KCNAB2: variants seen among roughly 807,000 people sequenced by gnomAD.
KCNAB2 encodes the protein voltage-gated potassium channel subunit beta-2.
In KCNAB2, 29 loss-of-function variants were observed where a neutral mutation model predicts 63.6. That is an observed-to-expected ratio of 0.46 (90% confidence interval 0.34 to 0.62). The LOEUF (loss-of-function observed/expected upper bound fraction) is 0.62, where lower values mean the gene tolerates loss of function less well. KCNAB2 is among the 20% of genes least tolerant of loss of function. The pLI is 0.01. For synonymous variants in KCNAB2, 222 were observed against 224.2 expected, an observed-to-expected ratio of 0.99 and a Z score of 0.09; for missense variants, 359 against 563.9, an observed-to-expected ratio of 0.64 and a Z score of 3.68.
chr1:6,088,499 C>T (rs550586689), intron 7 of KCNAB2, among the ~76,000 whole-genome samples: 5 of 151,888 alleles, frequency 3.3e-5, no homozygotes, highest in African/African-American at 1.2e-4. Flanking sequence ...CTGCCCACCT[C>T]AGCTTCCCAA....
At chr1:6,043,864 G>A (rs138269403), upstream of KCNAB2, among the ~76,000 whole-genome samples, 68 of 152,308 alleles carry the variant, frequency 4.5e-4, no homozygotes, top group East Asian at 0.01. Context: ...TCAGTGCCAC[G>A]CAGCAATCAG....
At chr1:6,059,922 A>G in intron 2 of KCNAB2, among the ~76,000 whole-genome samples, 1 of 152,170 alleles carries the variant, frequency 6.6e-6, no homozygotes, top group East Asian at 1.9e-4. Context: ...AGCTTCAAGC[A>G]CAGTCCACTC....
Position 6,049,280 on chromosome 1 carries a change from G to T in KCNAB2, c.-26-2231G>T, listed in dbSNP as rs549866044. Among the ~76,000 whole-genome samples the T allele has an allele frequency of 7.9e-5, 12 of 152,332 alleles. No individual in the cohort carries two copies. The East Asian group carries it at 1.5e-3, about 20-fold the overall frequency. ...TGAGTCCCTCCTCTGTACACGAGGG[G>T]CACTCCCATGGGCACTGAGCAGGGG... On this transcript the variant is annotated intron_variant, in intron 1 of 15. Coordinates refer to ENST00000378083, the MANE Select transcript of KCNAB2 (RefSeq NM_001199862.2).
At chr1:6,005,866 C>T (rs541386769) in intron 1 of KCNAB2, among the ~76,000 whole-genome samples, 17 of 151,840 alleles carry the variant, frequency 1.1e-4, no homozygotes, top group African/African-American at 3.6e-4. Flanking sequence ...CACCCTGGGG[C>T]TCTGTTCTGA....
Position 6,086,002 on chromosome 1 carries a change from C to T in KCNAB2, c.425+754C>T. On this transcript the variant is annotated intron_variant, in intron 6 of 15. Coordinates refer to ENST00000378083, the MANE Select transcript of KCNAB2 (RefSeq NM_001199862.2). The surrounding 1 kb of genome is among the most constrained non-coding windows in gnomAD (Gnocchi z 4.2). Reference sequence around the variant, plus strand: ...CCCTTCTCTCCCAGGAGCCTATGGGCCCTTCCCAGGCCAAGGTCCTCACCC... The same window carrying T: ...CCCTTCTCTCCCAGGAGCCTATGGGTCCTTCCCAGGCCAAGGTCCTCACCC... 1.0e-6 allele frequency: 1 copy of T among 985,488 alleles called. No individual in the cohort carries two copies. The highest frequency in any genetic ancestry group is 1.2e-6 in the Non-Finnish European group (1 of 829,978). 61.0% of individuals were successfully genotyped at this position (985,488 alleles called of 1,614,324 possible). A position where few individuals can be genotyped will look rare whatever the true frequency, so the allele number is the denominator to read the frequency against.
At chr1:6,005,428 GTTGT>G (rs1657595520) in intron 1 of KCNAB2, among the ~76,000 whole-genome samples, 1 of 133,634 alleles carries the variant, frequency 7.5e-6, no homozygotes, top group Non-Finnish European at 1.6e-5. Flanking sequence ...GGAGTTGTGG[GTTGT>G]GTGAGCTGAG....
intron 2 of KCNAB2, among the ~76,000 whole-genome samples, chr1:6,052,638 C>T (rs953830387): frequency 1.3e-5 from 2 of 152,112 alleles, no homozygotes; most frequent in African/African-American, 2.4e-5. Context: ...TGCTAGCCAC[C>T]GTTCTCTGGC....
Position 6,051,575 on chromosome 1 carries a change from GA to G in KCNAB2, c.40del (p.Ser14AlafsTer57), listed in dbSNP as rs1661387817. 2.3e-5 allele frequency: 36 copies of G among 1,534,176 alleles called. No homozygotes were observed. Among genetic ancestry groups the G allele is most frequent in the Non-Finnish European group, 2.9e-5 (33 of 1,145,870 alleles). On this transcript the variant is annotated frameshift_variant, in exon 2 of 16. Transcript: ENST00000378083. LOFTEE classifies it high-confidence loss of function. ...MTYSESLRSV[S>X]SRCHSEWALH... Reference sequence around the variant, plus strand: ...CGTACAGCGAGAGTCTGCGGAGCGTGAGCAGCAGGTGCCACTCTGAATGGGC... The same window carrying G: ...CGTACAGCGAGAGTCTGCGGAGCGTGGCAGCAGGTGCCACTCTGAATGGGC...
At chr1:6,053,428 A>G (rs886907672) in intron 2 of KCNAB2, among the ~76,000 whole-genome samples, 6 of 152,170 alleles carry the variant, frequency 3.9e-5, no homozygotes, top group African/African-American at 1.2e-4. Context: ...ACAAGTTCCA[A>G]CAGCGACCAC....
chr1:6,058,909 G>C (rs1662074198), intron 2 of KCNAB2, among the ~76,000 whole-genome samples: 1 of 152,130 alleles, frequency 6.6e-6, no homozygotes, highest in African/African-American at 2.4e-5. Flanking sequence ...GAGGGCTTCT[G>C]CTGGCAGCGG....
intron 1 of KCNAB2, among the ~76,000 whole-genome samples, chr1:5,996,369 C>T (rs114649712): frequency 0.029 from 4,382 of 152,280 alleles, 208 homozygotes; most frequent in African/African-American, 0.1. Flanking sequence ...TGCACACCCA[C>T]CATGGGATGA....
At chr1:5,995,065 G>C (rs114730486) in intron 1 of KCNAB2, among the ~76,000 whole-genome samples, 1 of 152,146 alleles carries the variant, frequency 6.6e-6, no homozygotes, top group African/African-American at 2.4e-5. Context: ...TCTGGTCCTC[G>C]GCTAAGTTCT....
intron 1 of KCNAB2, among the ~76,000 whole-genome samples, chr1:5,997,643 C>CA (rs1384049065): frequency 6.6e-6 from 1 of 152,224 alleles, no homozygotes; most frequent in Non-Finnish European, 1.5e-5. Flanking sequence ...CTGGTATCCA[C>CA]AGGCTCTCAA....
chr1:6,097,911 A>G (rs1665781487), intron 15 of KCNAB2: 1 of 182,228 alleles, frequency 5.5e-6, no homozygotes, highest in Non-Finnish European at 1.1e-5. Context: ...CTGGAAAGGG[A>G]GGCTGCTCTC....
chr1:6,088,788 C>T (rs1571084668), intron 7 of KCNAB2, among the ~76,000 whole-genome samples: 1 of 147,124 alleles, frequency 6.8e-6, no homozygotes, highest in African/African-American at 2.5e-5. Flanking sequence ...CCCCCTGCTG[C>T]TGCCCCCCTC....
intron 9 of KCNAB2, among the ~76,000 whole-genome samples, chr1:6,090,873 G>A (rs138901747): frequency 6.6e-6 from 1 of 152,208 alleles, no homozygotes; most frequent in African/African-American, 2.4e-5. Flanking sequence ...AGCTTGGGGG[G>A]ACTTTTTTGC....
Position 6,099,911 on chromosome 1 carries a change from G to A in KCNAB2, c.*1337G>A, listed in dbSNP as rs1665918715. 3 of 1,550,290 alleles carry A rather than the reference G, an allele frequency of 1.9e-6. No homozygotes were observed. The African/African-American group carries it at 4.1e-5, about 21-fold the overall frequency. ...AAGGGATGCCAGTAAGTCTGCAGGTGCGGGGTGCCACCTACAGGCCCAGGC... is the reference window on the plus strand; with the variant it reads ...AAGGGATGCCAGTAAGTCTGCAGGTACGGGGTGCCACCTACAGGCCCAGGC... On this transcript the variant is annotated 3_prime_UTR_variant, in exon 16 of 16. Transcript: ENST00000378083.
chr1:6,100,240 T>C lies in KCNAB2; in HGVS notation c.*1666T>C. On this transcript the variant is annotated 3_prime_UTR_variant, in exon 16 of 16. Transcript: ENST00000378083. ...GGGCGAGGGGAGGAGGGGGATCAGC[T>C]TCTGCTATTACCGACCCCCCTTCAT... 1.4e-6 allele frequency: 1 copy of C among 706,236 alleles called. No homozygotes were observed. Among genetic ancestry groups the C allele is most frequent in the African/African-American group, 1.8e-5 (1 of 55,896 alleles). 43.7% of individuals were successfully genotyped at this position (706,236 alleles called of 1,614,324 possible).
chr1:6,031,638 A>G (rs1169949615), upstream of KCNAB2, among the ~76,000 whole-genome samples: 1 of 151,856 alleles, frequency 6.6e-6, no homozygotes, highest in East Asian at 1.9e-4. The surrounding 1 kb of genome is among the most constrained non-coding windows in gnomAD (Gnocchi z 4.1). Flanking sequence ...TGTAATCCCA[A>G]CCCTTTGGGA....
Sources: allele counts gnomAD v4.1 joint callset (sites outside exome capture counted in the v4.1 genomes callset), GRCh38; gene constraint gnomAD v4.1.1; non-coding constraint Gnocchi (gnomAD v3.1); transcripts MANE v1.5; gene names NCBI Gene and HGNC (gene_info 2026-07-23, HGNC 2026-07-21).